The following MYO16 variants were observed in gnomAD, a reference collection of about 807,000 sequenced individuals.
MYO16 encodes unconventional myosin-XVI.
Under a neutral mutation model 205.3 loss-of-function variants are expected in MYO16, and 94 were observed. The ratio of observed to expected loss-of-function variants is 0.46; its 90% CI spans 0.39 to 0.54. The LOEUF is 0.54. MYO16 is among the 20% of genes least tolerant of loss of function. The pLI is 0.00. For synonymous variants in MYO16, 988 were observed against 954.0 expected (o/e 1.04, Z -0.66); for missense variants, 2,315 against 2,387.5 (o/e 0.97, Z 0.63).
At chr13:108,777,643 C>T (rs1453933381) in intron 4 of MYO16, among the ~76,000 whole-genome samples, 1 of 152,168 alleles carries the variant, frequency 6.6e-6, no homozygotes, top group Non-Finnish European at 1.5e-5. Flanking sequence ...ACATCCTGGG[C>T]CAGTGAGAGG....
chr13:108,617,661 G>T (rs1879396515), intron 1 of MYO16, among the ~76,000 whole-genome samples: 1 of 152,098 alleles, frequency 6.6e-6, no homozygotes, highest in Admixed American at 6.6e-5. Flanking sequence ...AAATAAAGAA[G>T]AAATAAATAG....
intron 27 of MYO16, among the ~76,000 whole-genome samples, chr13:109,096,358 A>T (rs1410302636): frequency 2.0e-5 from 3 of 152,036 alleles, no homozygotes; most frequent in East Asian, 1.9e-4. Flanking sequence ...TCTTTTCAGG[A>T]CATGAGTCAT....
chr13:108,921,912 G>A (rs1358864600), intron 16 of MYO16, among the ~76,000 whole-genome samples: 3 of 152,214 alleles, frequency 2.0e-5, no homozygotes, highest in Non-Finnish European at 2.9e-5. Context: ...TGCAGTGGAA[G>A]CGTTGGCTAG....
At chr13:108,960,822 A>G (rs1883553325) in intron 17 of MYO16, among the ~76,000 whole-genome samples, 1 of 152,180 alleles carries the variant, frequency 6.6e-6, no homozygotes, top group Non-Finnish European at 1.5e-5. Context: ...TGACTATCCA[A>G]AATCAAATTT....
chr13:108,562,494 G>A, the MYO16 span, among the ~76,000 whole-genome samples: 1,904 of 152,266 alleles, frequency 0.013, 21 homozygotes, highest in Middle Eastern at 0.024. Flanking sequence ...ACCATTGGAT[G>A]CAGGTTTTAA....
chr13:108,624,757 A>G (rs566955246), upstream of MYO16, among the ~76,000 whole-genome samples: 77 of 150,898 alleles, frequency 5.1e-4, no homozygotes, highest in Admixed American at 6.6e-4. Context: ...GCCCTTAAGG[A>G]GCAATTAGAA....
the MYO16 span, among the ~76,000 whole-genome samples, chr13:108,586,159 C>T: frequency 3.3e-5 from 5 of 151,984 alleles, no homozygotes; most frequent in African/African-American, 9.7e-5. Context: ...CACATACACA[C>T]ATGTATCCCA....
At chr13:109,096,110 CA>C (rs1451178717) in intron 27 of MYO16, among the ~76,000 whole-genome samples, 2 of 152,206 alleles carry the variant, frequency 1.3e-5, no homozygotes, top group Non-Finnish European at 2.9e-5. Context: ...CCAAGTACTA[CA>C]AACTCCATGG....
chr13:109,178,780 T>TG (rs2139913403), intron 33 of MYO16, among the ~76,000 whole-genome samples: 1 of 152,176 alleles, frequency 6.6e-6, no homozygotes, highest in Admixed American at 6.5e-5. Context: ...ATCTAGTGGG[T>TG]GGAGGTCAGG....
intron 27 of MYO16, among the ~76,000 whole-genome samples, chr13:109,084,326 G>A (rs964920193): frequency 7.0e-6 from 1 of 142,108 alleles, no homozygotes; most frequent in Non-Finnish European, 1.6e-5. Context: ...CAACACAACT[G>A]CCGCCTCCTC....
chr13:109,155,818 A>C (rs1442357457), intron 32 of MYO16, among the ~76,000 whole-genome samples: 1 of 152,122 alleles, frequency 6.6e-6, no homozygotes, highest in Non-Finnish European at 1.5e-5. Context: ...CACTCTCCTC[A>C]CATCCACCCA....
intron 16 of MYO16, among the ~76,000 whole-genome samples, chr13:108,944,780 G>A (rs768184870): frequency 7.2e-5 from 11 of 152,144 alleles, no homozygotes; most frequent in Non-Finnish European, 1.6e-4. Context: ...AAGCACCTGA[G>A]TTTAATCATA....
intron 10 of MYO16, among the ~76,000 whole-genome samples, chr13:108,852,543 A>G (rs1407318244): frequency 6.6e-6 from 1 of 152,242 alleles, no homozygotes; most frequent in African/African-American, 2.4e-5. Flanking sequence ...ATTCAGCAGA[A>G]GAACCTTCCT....
At chr13:108,822,300 T>C (rs1290153685) in intron 8 of MYO16, among the ~76,000 whole-genome samples, 1 of 152,202 alleles carries the variant, frequency 6.6e-6, no homozygotes, top group Non-Finnish European at 1.5e-5. Flanking sequence ...CAAATAATGA[T>C]AAAATCTTTA....
At chr13:108,608,462 C>T (rs1879044435) in intron 1 of MYO16, among the ~76,000 whole-genome samples, 2 of 152,182 alleles carry the variant, frequency 1.3e-5, no homozygotes, top group South Asian at 4.1e-4. Context: ...CTTCCTTGCA[C>T]CCCACAGCTA....
intron 1 of MYO16, among the ~76,000 whole-genome samples, chr13:108,645,309 C>T (rs1408208103): frequency 6.6e-6 from 1 of 152,178 alleles, no homozygotes; most frequent in East Asian, 1.9e-4. Flanking sequence ...ACATAAAAGA[C>T]GGTCATAAAT....
chr13:109,108,001 A>C (rs1334936677), intron 28 of MYO16, among the ~76,000 whole-genome samples: 4 of 152,122 alleles, frequency 2.6e-5, no homozygotes, highest in Non-Finnish European at 5.9e-5. Flanking sequence ...AAGAAAATAC[A>C]ATCTACCAGA....
At chr13:109,065,897 G>A (rs1469713953) in intron 27 of MYO16, among the ~76,000 whole-genome samples, 1 of 152,212 alleles carries the variant, frequency 6.6e-6, no homozygotes, top group African/African-American at 2.4e-5. Flanking sequence ...ACTATTTAAT[G>A]AGGAGAACTT....
the MYO16 span, among the ~76,000 whole-genome samples, chr13:108,554,863 A>AG: frequency 1.3e-5 from 2 of 151,210 alleles, no homozygotes; most frequent in Non-Finnish European, 3.0e-5. Flanking sequence ...AAAAAAAAAA[A>AG]AAAAAAAAAA....
Sources: gnomAD v4.1 joint callset for allele counts (sites outside exome capture counted in the v4.1 genomes callset) on GRCh38, gnomAD v4.1.1 for gene constraint, MANE v1.5 for transcripts, NCBI Gene and HGNC (gene_info 2026-07-23, HGNC 2026-07-21) for gene names.